Variants in RIPOR1 observed in about 807,000 individuals in gnomAD.
RIPOR1 encodes RHO family interacting cell polarization regulator 1.
In RIPOR1, 58 loss-of-function variants were observed where a neutral mutation model predicts 116.5. The ratio of observed to expected loss-of-function variants is 0.50; its 90% CI spans 0.40 to 0.62. The LOEUF is 0.62. RIPOR1 is among the 20% of genes least tolerant of loss of function. RIPOR1 has a pLI of 0.00. For missense variants in RIPOR1, 1,372 were observed against 1,586.2 expected, an observed-to-expected ratio of 0.86 and a Z score of 2.29; for synonymous variants, 605 against 650.0, an observed-to-expected ratio of 0.93 and a Z score of 1.05.
At position 67,543,893 on chromosome 16, in the gene RIPOR1, G is replaced by A; in HGVS notation, c.2601-406G>A. 1 of 356,538 alleles carries A rather than the reference G, an allele frequency of 2.8e-6. No homozygotes were observed. Among genetic ancestry groups the A allele is most frequent in the Non-Finnish European group, 5.2e-6 (1 of 191,636 alleles). The allele number at this position is 356,538 out of a possible 1,614,324, so 22.1% of individuals were successfully genotyped here. On this transcript the variant is annotated intron_variant, in intron 14 of 21. Coordinates refer to ENST00000042381, the MANE Select transcript of RIPOR1 (RefSeq NM_024519.4). This position sits in a 1 kb window ranked among gnomAD's most constrained non-coding sequence, Gnocchi z 4.7. ...CAACCCCGACTCTCCCAGAGGCCCT[G>A]GCCCCTCAACTGTCAGTCCTGGAGT... is the stretch of plus-strand genomic sequence containing the variant.
Position 67,545,194 on chromosome 16 carries a change from A to C in RIPOR1, c.3031+77A>C. ...AAGCTCGGGGAAGCCAGGTCAGCCC[A>C]CACAGATAAACGAACTGGGCACCGA... is the stretch of plus-strand genomic sequence containing the variant. On this transcript the variant is annotated intron_variant, in intron 17 of 21. Transcript: ENST00000042381. This position sits in a 1 kb window ranked among gnomAD's most constrained non-coding sequence, Gnocchi z 4.8. 1.3e-6 allele frequency: 2 copies of C among 1,575,684 alleles called. No homozygotes were observed. Among genetic ancestry groups the C allele is most frequent in the Non-Finnish European group, 1.7e-6 (2 of 1,158,532 alleles).
At chr16:67,528,213 T>C (rs567438411), upstream of RIPOR1, 39 of 152,410 alleles carry the variant, frequency 2.6e-4, no homozygotes, top group African/African-American at 8.7e-4. Flanking sequence ...GCCCAACACA[T>C]GGCCCTGTAC....
chr16:67,519,346 G>A (rs561351621), intron 1 of RIPOR1, among the ~76,000 whole-genome samples: 40 of 151,968 alleles, frequency 2.6e-4, no homozygotes, highest in South Asian at 1.0e-3. Context: ...AAGGCAGGGT[G>A]TATCCAGGGA....
intron 1 of RIPOR1, among the ~76,000 whole-genome samples, chr16:67,536,138 T>A (rs1597630666): frequency 6.6e-6 from 1 of 151,716 alleles, no homozygotes; most frequent in African/African-American, 2.4e-5. Context: ...AGGCTAGAGG[T>A]GGACATGGGA....
intron 1 of RIPOR1, among the ~76,000 whole-genome samples, chr16:67,522,556 C>A (rs954672566): frequency 6.6e-6 from 1 of 151,966 alleles, no homozygotes. Flanking sequence ...AGGATGGTCT[C>A]GATCTCTTGA....
At position 67,545,229 on chromosome 16, in the gene RIPOR1, C is replaced by A; in HGVS notation, c.3031+112C>A. On this transcript the variant is annotated intron_variant, in intron 17 of 21. Transcript: ENST00000042381. The surrounding 1 kb of genome is among the most constrained non-coding windows in gnomAD (Gnocchi z 4.8). ...ACGAACTGGGCACCGAGGAGACCAGCAAAGACTTGGGCCTTAGAGCAGAAG... is the reference window on the plus strand; with the variant it reads ...ACGAACTGGGCACCGAGGAGACCAGAAAAGACTTGGGCCTTAGAGCAGAAG... 6.5e-7 allele frequency: 1 copy of A among 1,529,406 alleles called. No individual in the cohort carries two copies. The highest frequency in any genetic ancestry group is 8.9e-7 in the Non-Finnish European group (1 of 1,126,078). 94.7% of individuals were successfully genotyped at this position (1,529,406 alleles called of 1,614,324 possible). A position where few individuals can be genotyped will look rare whatever the true frequency, so the allele number is the denominator to read the frequency against.
intron 1 of RIPOR1, among the ~76,000 whole-genome samples, chr16:67,536,684 G>T (rs2050803077): frequency 6.6e-6 from 1 of 152,086 alleles, no homozygotes. Flanking sequence ...TCTGCATCCA[G>T]TTCCTTCTCT....
Position 67,538,690 on chromosome 16 carries a change from C to T in RIPOR1, c.123C>T (p.Ser41=). ...ERGPRSFPVF[S]PPGPPRKPPA... is the part of the protein sequence containing the mutation. ...CCTTCAGGAGTTTCCCGGTCTTCAG[C>T]CCGCCGGGGCCCCCACGGAAGCCCC... The change falls in exon 3 of 22, where the codon AGC becomes AGT. Residue 41 remains serine (S), a synonymous_variant. Coordinates refer to ENST00000042381, the MANE Select transcript of RIPOR1 (RefSeq NM_024519.4). 6.2e-7 allele frequency: 1 copy of T among 1,612,960 alleles called. No individual in the cohort carries two copies. Among genetic ancestry groups the T allele is most frequent in the Non-Finnish European group, 8.5e-7 (1 of 1,179,746 alleles).
upstream of RIPOR1, among the ~76,000 whole-genome samples, chr16:67,526,653 C>T (rs539498479): frequency 9.8e-5 from 15 of 152,322 alleles, no homozygotes; most frequent in African/African-American, 3.1e-4. Context: ...GGTTCCTACC[C>T]GCACACTACT....
chr16:67,527,692 T>C (rs559419473), upstream of RIPOR1, among the ~76,000 whole-genome samples: 26 of 152,016 alleles, frequency 1.7e-4, no homozygotes, highest in East Asian at 3.9e-4. Context: ...CTGGCTAACA[T>C]GGTGAAACCC....
intron 4 of RIPOR1, 124 bp from the exon 5 acceptor site, chr16:67,539,604 C>T (rs2050910003): frequency 9.4e-6 from 11 of 1,171,896 alleles, no homozygotes; most frequent in Non-Finnish European, 1.4e-5. Context: ...GCGTCAGTTG[C>T]TACTGTGACA....
Position 67,543,597 on chromosome 16 carries a change from G to A in RIPOR1, c.2600+128G>A. The A allele has an allele frequency of 7.3e-7, 1 of 1,368,962 alleles. No individual in the cohort carries two copies. Among genetic ancestry groups the A allele is most frequent in the Non-Finnish European group, 9.9e-7 (1 of 1,008,710 alleles). 84.8% of individuals were successfully genotyped at this position (1,368,962 alleles called of 1,614,324 possible). A position where few individuals can be genotyped will look rare whatever the true frequency, so the allele number is the denominator to read the frequency against. On this transcript the variant is annotated intron_variant, in intron 14 of 21. Transcript: ENST00000042381. The surrounding 1 kb of genome is among the most constrained non-coding windows in gnomAD (Gnocchi z 4.7). The stretch of plus-strand genomic sequence containing the variant: ...CAGGACAGGTGAGGCAGGGCCAGGT[G>A]GAGCATGTGAGGACTGAGTTGCTGG...
Position 67,529,893 on chromosome 16 carries a change from T to TG in RIPOR1, c.-24+982dup. The TG allele has an allele frequency of 7.1e-7, 1 of 1,408,120 alleles. No individual in the cohort carries two copies. The highest frequency in any genetic ancestry group is 9.7e-7 in the Non-Finnish European group (1 of 1,030,238). The allele number at this position is 1,408,120 out of a possible 1,614,324, so 87.2% of individuals were successfully genotyped here. ...TATTCTCAAGGTCACACAGCTGGTT[T>TG]GGGAGAAGCGAGGATTAGATCTGAG... On this transcript the variant is annotated intron_variant, in intron 1 of 21. Transcript: ENST00000042381. The surrounding 1 kb of genome is among the most constrained non-coding windows in gnomAD (Gnocchi z 4.1).
intron 1 of RIPOR1, among the ~76,000 whole-genome samples, chr16:67,534,152 A>G (rs2142464177): frequency 6.7e-6 from 1 of 148,762 alleles, no homozygotes; most frequent in African/African-American, 2.5e-5. Context: ...TTTTTTTTTT[A>G]AGAAAGAATC....
In RIPOR1 at chr16:67,546,013, T is replaced by C; in HGVS notation, c.3452T>C (p.Leu1151Pro). Residue 1151 changes from leucine (L) to proline (P), a missense_variant, in exon 20 of 22, where the codon CTG becomes CCG. Leu to Pro is a moderately conservative substitution (Grantham distance 98, BLOSUM62 -3). This residue lies in a region of RIPOR1 where 1,005 missense variants were observed against 1,144.7 expected (regional missense o/e 0.88). Transcript: ENST00000042381. Reference protein sequence around the residue: ...EDVQTRVAGCLALGCIKAPEG... With the variant: ...EDVQTRVAGCPALGCIKAPEG... ...GTGCAGACTCGAGTGGCTGGCTGCCTGGCCCTAGGCTGCATCAAGGTGACC... is the reference window on the plus strand; with the variant it reads ...GTGCAGACTCGAGTGGCTGGCTGCCCGGCCCTAGGCTGCATCAAGGTGACC... The C allele has an allele frequency of 6.2e-7, 1 of 1,613,280 alleles. No individual in the cohort carries two copies. The highest frequency in any genetic ancestry group is 8.5e-7 in the Non-Finnish European group (1 of 1,179,944).
chr16:67,546,061 TG>T, intron 20 of RIPOR1, 29 bp downstream of exon 20: 1 of 1,254,840 alleles, frequency 8.0e-7, no homozygotes, highest in Non-Finnish European at 1.1e-6. Context: ...CCCACCCCTC[TG>T]TCCGCTTCCG....
At chr16:67,527,680 T>C (rs1336245545), upstream of RIPOR1, among the ~76,000 whole-genome samples, 1 of 151,422 alleles carries the variant, frequency 6.6e-6, no homozygotes, top group Non-Finnish European at 1.5e-5. Context: ...ATCGAGACCA[T>C]CCTGGCTAAC....
At chr16:67,538,330 G>C (rs113729483) in intron 1 of RIPOR1, 94 bp from the exon 2 acceptor site, 6 of 1,458,484 alleles carry the variant, frequency 4.1e-6, no homozygotes, top group African/African-American at 2.8e-5. Context: ...TGTGCCTAGC[G>C]ACAGGAAAGA....
chr16:67,531,320 G>C lies in RIPOR1; in HGVS notation c.-24+2406G>C, dbSNP rs2050654745. Among the ~76,000 whole-genome samples, 1 of 151,690 alleles carries C rather than the reference G, an allele frequency of 6.6e-6. No homozygotes were observed. Among genetic ancestry groups the C allele is most frequent in the Non-Finnish European group, 1.5e-5 (1 of 67,918 alleles). On this transcript the variant is annotated intron_variant, in intron 1 of 21. Transcript: ENST00000042381. This position sits in a 1 kb window ranked among gnomAD's most constrained non-coding sequence, Gnocchi z 4.2. The stretch of plus-strand genomic sequence containing the variant: ...TCTAGGCAGCCCAGCTTCCCCCACT[G>C]TTCCCCCCCTTCATCTCCCAGGTGC...
Sources: gnomAD v4.1 joint callset for allele counts (sites outside exome capture counted in the v4.1 genomes callset) on GRCh38, gnomAD v4.1.1 for gene constraint, gnomAD v4.1.1 regional missense constraint, Gnocchi (gnomAD v3.1) non-coding constraint, MANE v1.5 for transcripts, NCBI Gene and HGNC (gene_info 2026-07-23, HGNC 2026-07-21) for gene names.